CCR5AS: variants seen among roughly 807,000 people sequenced by gnomAD.
CCR5AS encodes CCR5 antisense RNA.
intron 2 of CCR5AS, among the ~76,000 whole-genome samples, chr3:46,384,249 AG>A (rs1387509546): frequency 1.3e-5 from 2 of 152,260 alleles, no homozygotes; most frequent in Non-Finnish European, 2.9e-5. Flanking sequence ...TAGCATACAA[AG>A]AAGCTGGCCA....
At chr3:46,384,639 A>G (rs538963660) in intron 2 of CCR5AS, among the ~76,000 whole-genome samples, 1 of 152,238 alleles carries the variant, frequency 6.6e-6, no homozygotes, top group African/African-American at 2.4e-5. Flanking sequence ...TGAGTTATCC[A>G]ATCCAAGGAT....
intron 3 of CCR5AS, among the ~76,000 whole-genome samples, chr3:46,365,893 C>T (rs532063774): frequency 2.0e-5 from 3 of 152,310 alleles, no homozygotes; most frequent in Non-Finnish European, 2.9e-5. Flanking sequence ...TATCTCTACC[C>T]CTATTAACTC....
chr3:46,378,825 G>T (rs1701786333), intron 2 of CCR5AS, among the ~76,000 whole-genome samples: 1 of 152,120 alleles, frequency 6.6e-6, no homozygotes, highest in African/African-American at 2.4e-5. Flanking sequence ...TCTCTGCAGT[G>T]TGCTGCTCTC....
At chr3:46,386,927 C>A (rs1701867746) in intron 2 of CCR5AS, among the ~76,000 whole-genome samples, 1 of 151,922 alleles carries the variant, frequency 6.6e-6, no homozygotes, top group Non-Finnish European at 1.5e-5. Flanking sequence ...CAGTGTTGGT[C>A]ATATGTTTGT....
At chr3:46,365,957 A>T (rs1701594687) in intron 3 of CCR5AS, among the ~76,000 whole-genome samples, 1 of 151,754 alleles carries the variant, frequency 6.6e-6, no homozygotes, top group Non-Finnish European at 1.5e-5. Context: ...TGGGGGCCCC[A>T]CCCATGCTGG....
At chr3:46,383,711 C>T (rs62246130) in intron 2 of CCR5AS, among the ~76,000 whole-genome samples, 19,702 of 152,020 alleles carry the variant, frequency 0.13, 1,510 homozygotes, top group East Asian at 0.21. Flanking sequence ...AGCTTCTGTC[C>T]TCCTTCAAGC....
In CCR5AS at chr3:46,372,791, G is replaced by A. The variant is rs41352147; in HGVS notation, n.392-1374C>T. The A allele has an allele frequency of 6.4e-4, 506 of 788,944 alleles. 2 individuals carry two copies. The African/African-American group carries it at 7.8e-3, about 12-fold the overall frequency. The allele number at this position is 788,944 out of a possible 1,614,324, so 48.9% of individuals were successfully genotyped here. ...TAATTCAATGTAGACATCTATGTAGGCAATTAAAAACCTATTGATGTATAA... is the reference window on the plus strand; with the variant it reads ...TAATTCAATGTAGACATCTATGTAGACAATTAAAAACCTATTGATGTATAA... On this transcript the variant is annotated intron_variant and non_coding_transcript_variant, in intron 2 of 3. Transcript: ENST00000451485.
chr3:46,366,792 C>A (rs1701603911), intron 3 of CCR5AS, among the ~76,000 whole-genome samples: 1 of 152,166 alleles, frequency 6.6e-6, no homozygotes, highest in Non-Finnish European at 1.5e-5. Flanking sequence ...ACATGGGTAA[C>A]AAAGCGTGGC....
At chr3:46,402,182 A>C (rs951546270) in intron 1 of CCR5AS, among the ~76,000 whole-genome samples, 1 of 152,238 alleles carries the variant, frequency 6.6e-6, no homozygotes, top group African/African-American at 2.4e-5. Flanking sequence ...TTTCACTCCC[A>C]GTAAGTACAT....
downstream of CCR5AS, among the ~76,000 whole-genome samples, chr3:46,364,023 CAT>C (rs1259742544): frequency 1.3e-5 from 2 of 152,216 alleles, no homozygotes; most frequent in African/African-American, 4.8e-5. Context: ...ATCTCCATAA[CAT>C]AAAAATGCAA....
chr3:46,372,398 G>A (rs140653397), intron 2 of CCR5AS, among the ~76,000 whole-genome samples: 127 of 152,152 alleles, frequency 8.3e-4, no homozygotes, highest in African/African-American at 2.8e-3. Flanking sequence ...TGGTGTGGTG[G>A]CGCCTGTAGT....
intron 1 of CCR5AS, among the ~76,000 whole-genome samples, chr3:46,397,742 G>C (rs571006173): frequency 5.3e-5 from 8 of 152,226 alleles, no homozygotes; most frequent in Non-Finnish European, 1.2e-4. Flanking sequence ...GCATCCCCCA[G>C]AATAAAGCTG....
In CCR5AS at chr3:46,403,630, C is replaced by T. The variant is rs149451411; in HGVS notation, n.163+3267G>A. ...TTGTTGGAGGGGGTGTGGCTGCAAC[C>T]CAATGGATGCCCAAGAAGTTTGCAG... is the stretch of plus-strand genomic sequence containing the variant. On this transcript the variant is annotated intron_variant and non_coding_transcript_variant, in intron 1 of 3. Transcript: ENST00000451485. Among the ~76,000 whole-genome samples the T allele has an allele frequency of 3.9e-3, 590 of 152,288 alleles. 1 individual carries two copies. Among genetic ancestry groups the T allele is most frequent in the African/African-American group, 0.014 (566 of 41,562 alleles).
chr3:46,365,720 A>G (rs907561527), intron 3 of CCR5AS, among the ~76,000 whole-genome samples: 1 of 151,908 alleles, frequency 6.6e-6, no homozygotes, highest in Non-Finnish European at 1.5e-5. Context: ...GATATGTGAG[A>G]TCTCTCTTTG....
downstream of CCR5AS, among the ~76,000 whole-genome samples, chr3:46,364,240 C>A (rs1701579939): frequency 6.6e-6 from 1 of 152,254 alleles, no homozygotes; most frequent in African/African-American, 2.4e-5. Flanking sequence ...GACAGGCTGA[C>A]TCTCTTTTTA....
intron 2 of CCR5AS, among the ~76,000 whole-genome samples, chr3:46,377,576 C>G (rs531710304): frequency 6.6e-6 from 1 of 152,152 alleles, no homozygotes; most frequent in Admixed American, 6.5e-5. Context: ...TTTTCTATCA[C>G]GGGGAGAGAT....
intron 3 of CCR5AS, chr3:46,370,767 C>A (rs991287050): frequency 1.3e-5 from 2 of 152,146 alleles, no homozygotes; most frequent in African/African-American, 2.4e-5. Context: ...CGTAAATAAA[C>A]CTTCAGACCA....
intron 2 of CCR5AS, among the ~76,000 whole-genome samples, chr3:46,391,514 G>T (rs1026661643): frequency 6.6e-6 from 1 of 152,176 alleles, no homozygotes; most frequent in Non-Finnish European, 1.5e-5. Context: ...GTCTAGAGAG[G>T]TAAAGTGTCT....
intron 2 of CCR5AS, among the ~76,000 whole-genome samples, chr3:46,382,979 C>T (rs1701828673): frequency 6.6e-6 from 1 of 152,128 alleles, no homozygotes; most frequent in African/African-American, 2.4e-5. Context: ...TAACACAGTG[C>T]CTGGCACATA....
Sources: gnomAD v4.1 joint callset for allele counts (sites outside exome capture counted in the v4.1 genomes callset) on GRCh38, gnomAD v4.1.1 for gene constraint, MANE v1.5 for transcripts, NCBI Gene and HGNC (gene_info 2026-07-23, HGNC 2026-07-21) for gene names.